OSBPL8: variants seen among roughly 807,000 people sequenced by gnomAD.
OSBPL8 encodes the protein oxysterol binding protein like 8, also known as oxysterol-binding protein-related protein 8.
A neutral mutation model predicts 125.5 loss-of-function variants in OSBPL8; 59 were observed. The observed-to-expected ratio is 0.47, with a 90% CI of 0.38 to 0.58. The LOEUF is 0.58. Ranked by LOEUF, OSBPL8 falls within the 20% of genes least tolerant of loss-of-function variation. OSBPL8 has a pLI of 0.00. For missense variants in OSBPL8, 758 were observed against 1,047.8 expected (o/e 0.72, Z 3.82); for synonymous variants, 330 against 338.9 (o/e 0.97, Z 0.29).
At chr12:76,529,105 G>A (rs1011322984) in intron 1 of OSBPL8, among the ~76,000 whole-genome samples, 2 of 149,986 alleles carry the variant, frequency 1.3e-5, no homozygotes, top group African/African-American at 4.9e-5. Flanking sequence ...ATATCATTAT[G>A]AATTTCAAAT....
chr12:76,383,972 A>G (rs774503632), intron 15 of OSBPL8, among the ~76,000 whole-genome samples: 1 of 152,234 alleles, frequency 6.6e-6, no homozygotes, highest in African/African-American at 2.4e-5. Flanking sequence ...AAAACTGGCC[A>G]GACTAAAGGC....
At chr12:76,413,053 A>C (rs1868294822) in intron 4 of OSBPL8, among the ~76,000 whole-genome samples, 1 of 152,202 alleles carries the variant, frequency 6.6e-6, no homozygotes, top group African/African-American at 2.4e-5. Context: ...TATTCTCTGA[A>C]ACTTAAAAAT....
At chr12:76,465,193 TAACCTA>T (rs1288192894) in intron 2 of OSBPL8, among the ~76,000 whole-genome samples, 1 of 152,212 alleles carries the variant, frequency 6.6e-6, no homozygotes, top group Non-Finnish European at 1.5e-5. Context: ...TATTTAAAAA[TAACCTA>T]ATCGCACATT....
intron 1 of OSBPL8, among the ~76,000 whole-genome samples, chr12:76,546,041 A>T (rs1565987354): frequency 6.6e-6 from 1 of 151,290 alleles, no homozygotes; most frequent in Non-Finnish European, 1.5e-5. Flanking sequence ...AAAACCACAC[A>T]TGTCGAGGGC....
chr12:76,472,084 A>G (rs1876204245), intron 2 of OSBPL8, among the ~76,000 whole-genome samples: 1 of 152,250 alleles, frequency 6.6e-6, no homozygotes, highest in Non-Finnish European at 1.5e-5. Context: ...ACTCATAGAA[A>G]GAAAATGTAA....
intron 4 of OSBPL8, among the ~76,000 whole-genome samples, chr12:76,433,337 C>T (rs935903142): frequency 2.0e-5 from 3 of 151,914 alleles, no homozygotes; most frequent in Non-Finnish European, 4.4e-5. Context: ...CTACAGGTTC[C>T]ACAAAAAAGT....
chr12:76,419,465 G>A lies in OSBPL8; in HGVS notation c.218-8831C>T, dbSNP rs1231206059. Among the ~76,000 whole-genome samples the A allele has an allele frequency of 9.2e-5, 14 of 152,218 alleles. No homozygotes were observed. The East Asian group carries it at 1.7e-3, about 19-fold the overall frequency. On this transcript the variant is annotated intron_variant, in intron 4 of 23. Transcript: ENST00000261183. The stretch of plus-strand genomic sequence containing the variant: ...ATAATAAAGGCAGAGGGATACCTGC[G>A]AATAAGCTATGGGGTCAGACTATCT...
intron 4 of OSBPL8, among the ~76,000 whole-genome samples, chr12:76,411,112 C>G (rs1954496471): frequency 6.6e-6 from 1 of 152,166 alleles, no homozygotes; most frequent in Admixed American, 6.5e-5. Flanking sequence ...AAGCACTTAG[C>G]ATAGTGTTTT....
intron 1 of OSBPL8, among the ~76,000 whole-genome samples, chr12:76,522,183 C>A (rs764713415): frequency 2.0e-5 from 3 of 152,024 alleles, no homozygotes. Flanking sequence ...AATAAATGAA[C>A]CTGTCTTTCC....
At chr12:76,432,578 C>T (rs1870974233) in intron 4 of OSBPL8, among the ~76,000 whole-genome samples, 1 of 151,852 alleles carries the variant, frequency 6.6e-6, no homozygotes, top group East Asian at 1.9e-4. Flanking sequence ...GAGACTTTGT[C>T]TTAAAAAATA....
chr12:76,404,705 T>C (rs1288682019), intron 5 of OSBPL8, among the ~76,000 whole-genome samples: 3 of 152,226 alleles, frequency 2.0e-5, no homozygotes, highest in African/African-American at 7.2e-5. Context: ...TTCTTTCCTC[T>C]AGCTTACTTT....
chr12:76,371,241 A>G, intron 19 of OSBPL8: 1 of 422,084 alleles, frequency 2.4e-6, no homozygotes, highest in Non-Finnish European at 3.9e-6. Flanking sequence ...GAAAAAAATG[A>G]GTAGTTTTGA....
chr12:76,396,110 G>A (rs1016937666), intron 8 of OSBPL8, among the ~76,000 whole-genome samples: 1 of 151,520 alleles, frequency 6.6e-6, no homozygotes, highest in Non-Finnish European at 1.5e-5. Context: ...GGTTTTGAAA[G>A]TCGTTTTCTC....
chr12:76,392,896 T>A, intron 9 of OSBPL8, 144 bp from the exon 10 acceptor site: 1 of 830,822 alleles, frequency 1.2e-6, no homozygotes, highest in East Asian at 2.7e-5. Flanking sequence ...TAGAATTTAA[T>A]GAAATCTTTC....
chr12:76,396,950 G>A (rs1276858746), intron 8 of OSBPL8, among the ~76,000 whole-genome samples: 1 of 151,828 alleles, frequency 6.6e-6, no homozygotes, highest in East Asian at 2.0e-4. Context: ...GAATAGCTGG[G>A]ACTACAGGTA....
chr12:76,465,438 T>C (rs541197542), intron 2 of OSBPL8, among the ~76,000 whole-genome samples: 1 of 152,102 alleles, frequency 6.6e-6, no homozygotes, highest in Non-Finnish European at 1.5e-5. Flanking sequence ...CGGGCGCCTA[T>C]AGTCCTAGCT....
At chr12:76,455,095 T>C (rs1873870698) in intron 3 of OSBPL8, among the ~76,000 whole-genome samples, 1 of 149,164 alleles carries the variant, frequency 6.7e-6, no homozygotes, top group African/African-American at 2.4e-5. Flanking sequence ...AAAAAAAAAT[T>C]AGCTGGGCGT....
At chr12:76,505,577 T>G (rs533992103) in intron 1 of OSBPL8, among the ~76,000 whole-genome samples, 1 of 151,790 alleles carries the variant, frequency 6.6e-6, no homozygotes, top group African/African-American at 2.4e-5. Context: ...CAAAAAAAGG[T>G]AAAATTTTAG....
intron 16 of OSBPL8, 27 bp downstream of exon 16, chr12:76,378,425 T>C (rs752910496): frequency 3.4e-5 from 49 of 1,427,142 alleles, no homozygotes; most frequent in Middle Eastern, 1.8e-4. Flanking sequence ...AAGCTTAATA[T>C]CTAATTCAAG....
Sources: allele counts gnomAD v4.1 joint callset (sites outside exome capture counted in the v4.1 genomes callset), GRCh38; gene constraint gnomAD v4.1.1; transcripts MANE v1.5; gene names NCBI Gene and HGNC (gene_info 2026-07-23, HGNC 2026-07-21).